CELF2: variants seen among roughly 807,000 people sequenced by gnomAD.
CELF2 encodes the protein CUG triplet repeat RNA-binding protein 2.
A neutral mutation model predicts 62.6 loss-of-function variants in CELF2; 8 were observed. That is an observed-to-expected ratio of 0.13 (90% CI 0.07 to 0.23). The LOEUF is 0.23. Ranked by LOEUF, CELF2 falls within the 10% of genes least tolerant of loss-of-function variation. CELF2 has a pLI of 1.00. For missense variants in CELF2, 333 were observed against 671.0 expected, an observed-to-expected ratio of 0.50 and a Z score of 5.56; for synonymous variants, 258 against 250.0, an observed-to-expected ratio of 1.03 and a Z score of -0.30.
At chr10:11,042,237 C>T (rs9663594) in intron 1 of CELF2, among the ~76,000 whole-genome samples, 1 of 152,126 alleles carries the variant, frequency 6.6e-6, no homozygotes, top group East Asian at 1.9e-4. Context: ...TATTTGATCC[C>T]GAGCTTTTTA....
At chr10:11,240,538 A>G (rs1239198274) in intron 3 of CELF2, among the ~76,000 whole-genome samples, 1 of 152,166 alleles carries the variant, frequency 6.6e-6, no homozygotes, top group Non-Finnish European at 1.5e-5. Context: ...CCAAGCATAG[A>G]TTTAGCTCTG....
chr10:10,530,932 C>T, the CELF2 span, among the ~76,000 whole-genome samples: 1 of 152,206 alleles, frequency 6.6e-6, no homozygotes, highest in Non-Finnish European at 1.5e-5. Context: ...CATACACCTG[C>T]AGCTGGTGAC....
chr10:11,005,251 A>AGG (rs2054987269), upstream of CELF2: 3 of 1,447,178 alleles, frequency 2.1e-6, no homozygotes, highest in Admixed American at 2.1e-5. This position sits in a 1 kb window ranked among gnomAD's most constrained non-coding sequence, Gnocchi z 4.3. Context: ...AGACAGAGAG[A>AGG]GAGGGAGAGA....
the CELF2 span, among the ~76,000 whole-genome samples, chr10:10,656,941 G>C: frequency 3.4e-3 from 507 of 147,992 alleles, 1 homozygote; most frequent in Admixed American, 6.4e-3. Flanking sequence ...AAAAGAAAAC[G>C]TGTCCACACA....
intron 1 of CELF2, among the ~76,000 whole-genome samples, chr10:11,023,089 C>T (rs776382601): frequency 6.6e-6 from 1 of 152,076 alleles, no homozygotes; most frequent in South Asian, 2.1e-4. Flanking sequence ...TGTTTCTTCA[C>T]GGGAGGGTCA....
At chr10:11,076,111 A>G (rs534413890) in intron 1 of CELF2, among the ~76,000 whole-genome samples, 5 of 152,120 alleles carry the variant, frequency 3.3e-5, no homozygotes, top group Non-Finnish European at 4.4e-5. Context: ...CCAGGTAGAC[A>G]TGAACAAGCA....
intron 2 of CELF2, chr10:10,944,434 C>T (rs2047414758): frequency 6.6e-6 from 1 of 152,642 alleles, no homozygotes; most frequent in Middle Eastern, 3.4e-3. Context: ...GCCTTGGCCT[C>T]TGAGTTAAGA....
chr10:10,468,678 A>G, the CELF2 span, among the ~76,000 whole-genome samples: 1 of 151,932 alleles, frequency 6.6e-6, no homozygotes, highest in African/African-American at 2.4e-5. Flanking sequence ...AACAAGAAAA[A>G]TGTTTTCTTC....
At chr10:10,688,869 TG>T in the CELF2 span, among the ~76,000 whole-genome samples, 1 of 151,838 alleles carries the variant, frequency 6.6e-6, no homozygotes, top group African/African-American at 2.4e-5. Flanking sequence ...TTGGGTGTGG[TG>T]GTGGATGCCT....
chr10:10,811,989 G>C lies in CELF2; in HGVS notation c.53+13172G>C, dbSNP rs572120004. 6.6e-5 allele frequency among the ~76,000 whole-genome samples: 10 copies of C among 152,224 alleles called. No individual in the cohort carries two copies. The East Asian group carries it at 1.9e-3, about 29-fold the overall frequency. On this transcript the variant is annotated intron_variant, in intron 1 of 13. Transcript: ENST00000636488. ...TTTGGCTAAAAGTCCCAGAATCCTA[G>C]GATCCTATGCTGTCCAGTCCACAGT...
the CELF2 span, among the ~76,000 whole-genome samples, chr10:10,544,523 A>C: frequency 9.0e-3 from 1,373 of 152,338 alleles, 10 homozygotes; most frequent in African/African-American, 0.032. Context: ...ATATTTGTCT[A>C]TAGCCATATA....
At chr10:10,675,775 G>C in the CELF2 span, among the ~76,000 whole-genome samples, 159 of 152,150 alleles carry the variant, frequency 1.0e-3, 1 homozygote, top group Middle Eastern at 0.02. Flanking sequence ...TTCCATTTCT[G>C]TTACTGTGTT....
At chr10:10,536,829 C>G in the CELF2 span, among the ~76,000 whole-genome samples, 1 of 152,126 alleles carries the variant, frequency 6.6e-6, no homozygotes, top group Non-Finnish European at 1.5e-5. Flanking sequence ...TGAAGCAGCT[C>G]GGGCTGGAGG....
At chr10:10,893,833 G>A (rs1205953023) in intron 1 of CELF2, among the ~76,000 whole-genome samples, 1 of 152,104 alleles carries the variant, frequency 6.6e-6, no homozygotes, top group Non-Finnish European at 1.5e-5. Context: ...CGAGGGGATG[G>A]CGCTAAACTG....
chr10:10,984,176 C>T (rs976552158), intron 2 of CELF2, among the ~76,000 whole-genome samples: 5 of 152,088 alleles, frequency 3.3e-5, no homozygotes, highest in African/African-American at 9.7e-5. Flanking sequence ...AAATAGGTTC[C>T]GAAAAGAAAC....
intron 3 of CELF2, among the ~76,000 whole-genome samples, chr10:11,233,404 C>T (rs1273296570): frequency 6.6e-6 from 1 of 152,156 alleles, no homozygotes; most frequent in African/African-American, 2.4e-5. Flanking sequence ...TCACTGCTTT[C>T]TTCTCACGCC....
intron 4 of CELF2, among the ~76,000 whole-genome samples, chr10:11,252,971 C>A (rs1374217033): frequency 2.6e-5 from 4 of 152,090 alleles, no homozygotes; most frequent in Non-Finnish European, 1.5e-5. Context: ...ACATACTTAA[C>A]CCTCTTTCAT....
At chr10:11,196,034 G>GA (rs5783195) in intron 2 of CELF2, among the ~76,000 whole-genome samples, 91,847 of 146,468 alleles carry the variant, frequency 0.63, 30,237 homozygotes, top group Non-Finnish European at 0.76. Context: ...AGGCAGGGGA[G>GA]AAAAAAAAAA....
intron 2 of CELF2, among the ~76,000 whole-genome samples, chr10:10,953,411 C>A (rs928181495): frequency 4.6e-5 from 7 of 151,972 alleles, no homozygotes; most frequent in Non-Finnish European, 1.0e-4. Context: ...GCTTTCACAC[C>A]CAAAAGAAAT....
Sources: allele counts gnomAD v4.1 joint callset (sites outside exome capture counted in the v4.1 genomes callset), GRCh38; gene constraint gnomAD v4.1.1; non-coding constraint Gnocchi (gnomAD v3.1); transcripts MANE v1.5; gene names NCBI Gene and HGNC (gene_info 2026-07-23, HGNC 2026-07-21).